Variants in DRC4 observed in about 807,000 individuals in gnomAD.
The protein encoded by DRC4 is dynein regulatory complex subunit 4.
chr16:90,037,746 CCT>C, the DRC4 span: 7 of 1,611,060 alleles, frequency 4.3e-6, no homozygotes, highest in Non-Finnish European at 5.9e-6. Context: ...TCCCCTACTC[CCT>C]GTTTTTCCTC....
At chr16:90,034,026 C>T in the DRC4 span, among the ~76,000 whole-genome samples, 1 of 151,958 alleles carries the variant, frequency 6.6e-6, no homozygotes, top group African/African-American at 2.4e-5. Context: ...GCCTCGAAAG[C>T]CGTGGTGGGG....
At chr16:90,040,312 C>A in the DRC4 span, 1 of 1,586,554 alleles carries the variant, frequency 6.3e-7, no homozygotes, top group African/African-American at 1.3e-5. Context: ...GCAGCAGGAG[C>A]GGGACGAGCT....
the DRC4 span, among the ~76,000 whole-genome samples, chr16:90,025,975 G>A: frequency 1.3e-5 from 2 of 151,930 alleles, no homozygotes; most frequent in African/African-American, 4.8e-5. Context: ...ACATAGCTGG[G>A]CACAGCAGCA....
At chr16:90,023,679 G>C in the DRC4 span, among the ~76,000 whole-genome samples, 1 of 142,852 alleles carries the variant, frequency 7.0e-6, no homozygotes, top group Non-Finnish European at 1.6e-5. Context: ...TCTGAAAACC[G>C]ACTATGAAAG....
At chr16:90,042,763 A>AG in the DRC4 span, 63 of 563,458 alleles carry the variant, frequency 1.1e-4, no homozygotes, top group Non-Finnish European at 1.8e-4. Flanking sequence ...GGATGGGTGT[A>AG]GGGGGGGACC....
chr16:90,022,435 G>C, the DRC4 span, among the ~76,000 whole-genome samples: 697 of 152,324 alleles, frequency 4.6e-3, 4 homozygotes, highest in African/African-American at 0.016. Flanking sequence ...AGAAGTGAAG[G>C]GTTCCCCCCT....
At chr16:90,032,999 T>C in the DRC4 span, 38 of 1,230,184 alleles carry the variant, frequency 3.1e-5, no homozygotes, top group Admixed American at 6.5e-4. Context: ...AACTCCTGTT[T>C]ATTCAACAGC....
At chr16:90,044,018 A>C in the DRC4 span, 1 of 432,860 alleles carries the variant, frequency 2.3e-6, no homozygotes, top group Non-Finnish European at 4.7e-6. Context: ...GAGAGAGTAT[A>C]AGGGGATAGC....
chr16:90,035,942 C>T, the DRC4 span: 22 of 1,408,808 alleles, frequency 1.6e-5, no homozygotes, highest in African/African-American at 4.3e-5. Context: ...CAGTAGTTAT[C>T]AGCAGGTGGT....
chr16:90,043,941 C>A, the DRC4 span: 2 of 422,570 alleles, frequency 4.7e-6, no homozygotes, highest in East Asian at 7.2e-5. Context: ...TGATGTAGGA[C>A]CAGGGGCACG....
At chr16:90,029,189 T>TGGGGCAGCCTAGGGGGCAGGCTGC in the DRC4 span, 2 of 1,335,380 alleles carry the variant, frequency 1.5e-6, no homozygotes, top group African/African-American at 3.0e-5. Flanking sequence ...GGGCAGGCTA[T>TGGGGCAGCCTAGGGGGCAGGCTGC]GGGGCAGCCT....
the DRC4 span, chr16:90,027,808 A>G: frequency 2.4e-6 from 3 of 1,234,602 alleles, no homozygotes; most frequent in Non-Finnish European, 3.6e-6. Flanking sequence ...CCATCTTGCC[A>G]TGTGGATCCA....
the DRC4 span, among the ~76,000 whole-genome samples, chr16:90,035,264 C>T: frequency 6.6e-6 from 1 of 152,134 alleles, no homozygotes; most frequent in African/African-American, 2.4e-5. Flanking sequence ...AACTCTTGAC[C>T]TCAAGTGATC....
the DRC4 span, chr16:90,031,160 A>T: frequency 6.6e-7 from 1 of 1,514,468 alleles, no homozygotes; most frequent in Middle Eastern, 1.7e-4. Context: ...CTTATATTTT[A>T]ACTTTTTACA....
At chr16:90,042,554 C>T in the DRC4 span, 1 of 1,607,630 alleles carries the variant, frequency 6.2e-7, no homozygotes, top group Non-Finnish European at 8.5e-7. Context: ...GTGCCCTGCC[C>T]TCCCTCAGGG....
the DRC4 span, among the ~76,000 whole-genome samples, chr16:90,027,478 T>G: frequency 6.6e-6 from 1 of 151,988 alleles, no homozygotes; most frequent in African/African-American, 2.4e-5. Context: ...GTGTGTGTGG[T>G]AAAGGGTGGG....
the DRC4 span, among the ~76,000 whole-genome samples, chr16:90,040,833 C>T: frequency 7.1e-4 from 108 of 151,290 alleles, no homozygotes; most frequent in Middle Eastern, 3.5e-3. Context: ...TGGGAGGGGC[C>T]GAGGTGACTT....
the DRC4 span, chr16:90,040,168 G>T: frequency 1.2e-6 from 1 of 828,152 alleles, no homozygotes; most frequent in Non-Finnish European, 1.9e-6. Context: ...CACTGACCCC[G>T]GTGCTGTGGG....
chr16:90,019,819 G>A, the DRC4 span: 1 of 687,992 alleles, frequency 1.5e-6, no homozygotes, highest in Admixed American at 2.2e-5. This position sits in a 1 kb window ranked among gnomAD's most constrained non-coding sequence, Gnocchi z 6.1. Flanking sequence ...CGGGGCTGGC[G>A]AGGGGCACAG....
Sources: allele counts gnomAD v4.1 joint callset (sites outside exome capture counted in the v4.1 genomes callset), GRCh38; gene constraint gnomAD v4.1.1; non-coding constraint Gnocchi (gnomAD v3.1); transcripts MANE v1.5; gene names NCBI Gene and HGNC (gene_info 2026-07-23, HGNC 2026-07-21).